The following KIAA1671 variants were observed in gnomAD, a reference collection of about 807,000 sequenced individuals.
The protein encoded by KIAA1671 is KIAA1671.
KIAA1671 carries 52 observed loss-of-function variants against 131.2 expected under a neutral mutation model. The observed-to-expected ratio is 0.40, with a 90% CI of 0.32 to 0.50. KIAA1671 has a LOEUF of 0.50. Ranked by LOEUF, KIAA1671 falls within the 20% of genes least tolerant of loss-of-function variation. The pLI, the probability that KIAA1671 is intolerant of heterozygous loss-of-function variation, is 0.73. For synonymous variants in KIAA1671, 1,003 were observed against 961.6 expected, an observed-to-expected ratio of 1.04 and a Z score of -0.80; for missense variants, 2,360 against 2,364.2, an observed-to-expected ratio of 1.00 and a Z score of 0.04.
chr22:25,002,805 G>T (rs1375810427), intron 1 of KIAA1671, among the ~76,000 whole-genome samples: 3 of 151,742 alleles, frequency 2.0e-5, no homozygotes, highest in Admixed American at 1.3e-4. Context: ...TTAAAGACAG[G>T]ATCTCACTCT....
At chr22:25,135,710 TGGTG>T (rs951234855) in intron 6 of KIAA1671, among the ~76,000 whole-genome samples, 1 of 152,236 alleles carries the variant, frequency 6.6e-6, no homozygotes, top group Non-Finnish European at 1.5e-5. Flanking sequence ...CGTGGCTGTC[TGGTG>T]GGTGTCAGCT....
chr22:24,977,377 C>T (rs1182716991), intron 1 of KIAA1671, among the ~76,000 whole-genome samples: 2 of 152,308 alleles, frequency 1.3e-5, no homozygotes, highest in Admixed American at 1.3e-4. Context: ...TTGTCTGCTC[C>T]CCCAGAGCCT....
chr22:25,105,955 T>C (rs929242777), intron 6 of KIAA1671, among the ~76,000 whole-genome samples: 2 of 152,122 alleles, frequency 1.3e-5, no homozygotes. Flanking sequence ...CCTCCTTTCA[T>C]TGTTGGGAGG....
chr22:24,975,988 G>T (rs1922891887), intron 1 of KIAA1671, among the ~76,000 whole-genome samples: 2 of 152,258 alleles, frequency 1.3e-5, no homozygotes, highest in Non-Finnish European at 2.9e-5. Context: ...GGCTTCCCGT[G>T]TGGCTACTGT....
At chr22:25,061,582 C>A (rs112740937) in intron 6 of KIAA1671, 1 of 152,236 alleles carries the variant, frequency 6.6e-6, no homozygotes, top group Non-Finnish European at 1.5e-5. Flanking sequence ...CACTGCCATC[C>A]TGTGAGGGAG....
At chr22:25,149,627 CA>C (rs2145974825) in intron 6 of KIAA1671, among the ~76,000 whole-genome samples, 1 of 152,186 alleles carries the variant, frequency 6.6e-6, no homozygotes, top group African/African-American at 2.4e-5. Context: ...GCCTTAAATG[CA>C]TTTGCTTCTC....
In KIAA1671 at chr22:25,054,080, G is replaced by T. The variant is rs1275762308; in HGVS notation, c.4530+4716G>T. ...AAGAATTAGACTGGCGTGGTGTTGC[G>T]TGCCTGTAATCTCAGCTACTCAGGA... On this transcript the variant is annotated intron_variant, in intron 6 of 12. Transcript: ENST00000358431. 1.3e-5 allele frequency: 2 copies of T among 150,156 alleles called. 1 individual carries two copies. The highest frequency in any genetic ancestry group is 4.9e-5 in the African/African-American group (2 of 40,934). 9.3% of individuals were successfully genotyped at this position (150,156 alleles called of 1,614,324 possible). A position where few individuals can be genotyped will look rare whatever the true frequency, so the allele number is the denominator to read the frequency against.
At chr22:25,147,090 C>T (rs1228144807) in intron 6 of KIAA1671, among the ~76,000 whole-genome samples, 1 of 152,172 alleles carries the variant, frequency 6.6e-6, no homozygotes, top group Admixed American at 6.6e-5. Flanking sequence ...CACCCCCTTC[C>T]TTGCTCCTTG....
intron 6 of KIAA1671, chr22:25,054,447 C>G (rs1927732167): frequency 1.3e-5 from 2 of 149,716 alleles, no homozygotes; most frequent in Non-Finnish European, 3.0e-5. Context: ...TTTGCGTAGC[C>G]TCTTCTGTGT....
Position 25,039,994 on chromosome 22 carries a change from A to T in KIAA1671, c.2864A>T (p.Asn955Ile), listed in dbSNP as rs1164492580. ...DRWRRRTLPP[N>I]VKFDTFSSLV... ...TGGCGGCGGCGGACTTTACCCCCCA[A>T]CGTGAAATTTGATACATTCAGTTCT... Residue 955 changes from asparagine (N) to isoleucine (I), a missense_variant, in exon 5 of 13, where the codon AAC becomes ATC. Asn to Ile is a moderately radical substitution (Grantham distance 149, BLOSUM62 -3). Around this residue, in one of 3 missense-constraint regions of KIAA1671, gnomAD observed 1,161 missense variants for 1,204.7 expected, o/e 0.96. Coordinates refer to ENST00000358431, the MANE Select transcript of KIAA1671 (RefSeq NM_001145206.2). The T allele has an allele frequency of 1.9e-6, 3 of 1,551,080 alleles. No individual in the cohort carries two copies. The highest frequency in any genetic ancestry group is 2.4e-5 in the East Asian group (1 of 40,902).
chr22:25,082,360 GCTGAACCA>G (rs574872276), intron 6 of KIAA1671, among the ~76,000 whole-genome samples: 55 of 152,320 alleles, frequency 3.6e-4, no homozygotes, highest in African/African-American at 1.3e-3. Context: ...CATCCAAGAG[GCTGAACCA>G]CAATGCGCAG....
intron 1 of KIAA1671, among the ~76,000 whole-genome samples, chr22:25,016,460 A>G (rs1396390193): frequency 6.6e-6 from 1 of 152,198 alleles, no homozygotes; most frequent in Non-Finnish European, 1.5e-5. Flanking sequence ...GAGCCGAATC[A>G]GAATCACGGA....
At chr22:25,076,384 G>A (rs1381209472) in intron 6 of KIAA1671, among the ~76,000 whole-genome samples, 1 of 152,122 alleles carries the variant, frequency 6.6e-6, no homozygotes, top group African/African-American at 2.4e-5. Context: ...TCTTAGAAGT[G>A]GGGCCAAGCG....
At chr22:25,191,846 C>T (rs1353830733) in intron 12 of KIAA1671, among the ~76,000 whole-genome samples, 1 of 152,172 alleles carries the variant, frequency 6.6e-6, no homozygotes, top group East Asian at 1.9e-4. Context: ...AGTGGTAAAA[C>T]CTGACCTGAG....
At chr22:25,109,253 G>A (rs911097174) in intron 6 of KIAA1671, among the ~76,000 whole-genome samples, 1 of 152,010 alleles carries the variant, frequency 6.6e-6, no homozygotes, top group Non-Finnish European at 1.5e-5. Context: ...GGTATTACAG[G>A]TGCCTGCCAC....
chr22:25,053,012 G>A (rs1004794646), intron 6 of KIAA1671: 7 of 152,166 alleles, frequency 4.6e-5, no homozygotes, highest in African/African-American at 1.7e-4. Context: ...CACTGCACCC[G>A]GCTTATTATT....
intron 6 of KIAA1671, among the ~76,000 whole-genome samples, chr22:25,082,304 G>A (rs1166062949): frequency 1.3e-5 from 2 of 152,144 alleles, no homozygotes; most frequent in Non-Finnish European, 2.9e-5. Context: ...CCCTGAACTA[G>A]GCCTGAGCTG....
chr22:25,116,512 C>T (rs1601329478), intron 6 of KIAA1671, among the ~76,000 whole-genome samples: 1 of 152,196 alleles, frequency 6.6e-6, no homozygotes, highest in East Asian at 1.9e-4. Flanking sequence ...ACCTCCGCCT[C>T]CTGGGTTCAA....
intron 3 of KIAA1671, among the ~76,000 whole-genome samples, chr22:25,029,870 G>A (rs1340090090): frequency 1.3e-5 from 2 of 152,200 alleles, no homozygotes; most frequent in Non-Finnish European, 2.9e-5. Context: ...GGAGGTGGGA[G>A]CTGGATGGCA....
Sources: allele counts gnomAD v4.1 joint callset (sites outside exome capture counted in the v4.1 genomes callset), GRCh38; gene constraint gnomAD v4.1.1; regional missense constraint gnomAD v4.1.1; transcripts MANE v1.5; gene names NCBI Gene and HGNC (gene_info 2026-07-23, HGNC 2026-07-21).